Variants in GRM7 observed in about 807,000 individuals in gnomAD.
GRM7 encodes glutamate metabotropic receptor 7.
GRM7 carries 35 observed loss-of-function variants against 84.5 expected under a neutral mutation model. That is an observed-to-expected ratio of 0.41 (90% CI 0.32 to 0.55). The LOEUF (loss-of-function observed/expected upper bound fraction) is 0.55, where lower values mean the gene tolerates loss of function less well. Ranked by LOEUF, GRM7 falls within the 20% of genes least tolerant of loss-of-function variation. The pLI is 0.19. For synonymous variants in GRM7, 487 were observed against 455.1 expected, an observed-to-expected ratio of 1.07 and a Z score of -0.89; for missense variants, 1,003 against 1,194.6, an observed-to-expected ratio of 0.84 and a Z score of 2.36.
intron 9 of GRM7, among the ~76,000 whole-genome samples, chr3:7,685,021 G>T (rs1700521962): frequency 6.6e-6 from 1 of 152,074 alleles, no homozygotes; most frequent in Non-Finnish European, 1.5e-5. Context: ...CCTGAATTTG[G>T]CATGTTTCCC....
intron 1 of GRM7, among the ~76,000 whole-genome samples, chr3:7,083,354 AT>A (rs34749968): frequency 6.6e-6 from 1 of 152,116 alleles, no homozygotes; most frequent in Admixed American, 6.6e-5. Flanking sequence ...AGGGATGCAT[AT>A]TTTTTATGTA....
chr3:7,499,976 G>C (rs1013806306), intron 7 of GRM7, among the ~76,000 whole-genome samples: 14 of 151,998 alleles, frequency 9.2e-5, no homozygotes, highest in Non-Finnish European at 1.6e-4. Flanking sequence ...GGGTTTCACC[G>C]TGTTAGCCAG....
At chr3:7,245,302 G>A (rs112648064) in intron 2 of GRM7, among the ~76,000 whole-genome samples, 1 of 152,052 alleles carries the variant, frequency 6.6e-6, no homozygotes, top group African/African-American at 2.4e-5. Context: ...GATCAAAGAA[G>A]CCAAACGAAT....
intron 4 of GRM7, among the ~76,000 whole-genome samples, chr3:7,354,548 G>T (rs1693303540): frequency 6.6e-6 from 1 of 152,120 alleles, no homozygotes. Flanking sequence ...TCGTAAGACA[G>T]AAACAATATT....
intron 5 of GRM7, among the ~76,000 whole-genome samples, chr3:7,450,356 T>G (rs1401755326): frequency 6.6e-6 from 1 of 152,090 alleles, no homozygotes; most frequent in African/African-American, 2.4e-5. Flanking sequence ...CACAACCCTT[T>G]TAGAGTGGAA....
intron 1 of GRM7, among the ~76,000 whole-genome samples, chr3:6,896,740 A>T (rs555280373): frequency 9.9e-5 from 15 of 151,018 alleles, no homozygotes; most frequent in African/African-American, 3.4e-4. Flanking sequence ...TGCAGGCTGA[A>T]GATTTTTTTT....
chr3:7,258,632 T>C (rs1698296999), intron 2 of GRM7, among the ~76,000 whole-genome samples: 1 of 152,270 alleles, frequency 6.6e-6, no homozygotes, highest in African/African-American at 2.4e-5. Flanking sequence ...ATAATTTAAA[T>C]CTTTTTAAAC....
rs930102014 is a variant in GRM7, at chr3:7,059,012, A to G, written c.520-87440A>G. Among the ~76,000 whole-genome samples, 44 of 151,890 alleles carry G rather than the reference A, an allele frequency of 2.9e-4. 1 individual carries two copies. Among genetic ancestry groups the G allele is most frequent in the Non-Finnish European group, 5.9e-4 (40 of 67,892 alleles). On this transcript the variant is annotated intron_variant, in intron 1 of 9. Coordinates refer to ENST00000357716, the MANE Select transcript of GRM7 (RefSeq NM_000844.4). ...AGGCTAAACTGTGGGAGCTAAGAAC[A>G]TAAAGTACAATGATTTCCTTATTAA...
chr3:7,224,418 C>T (rs1481282801), intron 2 of GRM7, among the ~76,000 whole-genome samples: 2 of 152,130 alleles, frequency 1.3e-5, no homozygotes, highest in Non-Finnish European at 2.9e-5. Context: ...CTCCCACAGG[C>T]CCCACTTCCA....
At chr3:7,540,266 A>C (rs1692799823) in intron 7 of GRM7, among the ~76,000 whole-genome samples, 1 of 152,334 alleles carries the variant, frequency 6.6e-6, no homozygotes, top group Middle Eastern at 3.4e-3. Flanking sequence ...ATGTCCACAC[A>C]AGACTTGGAC....
At chr3:7,454,090 A>T (rs61118429) in intron 6 of GRM7, among the ~76,000 whole-genome samples, 10,225 of 139,746 alleles carry the variant, frequency 0.073, 574 homozygotes, top group African/African-American at 0.15. Flanking sequence ...CTACACACAC[A>T]CTCTCTCTCT....
intron 5 of GRM7, among the ~76,000 whole-genome samples, chr3:7,418,125 A>T (rs1456754256): frequency 2.0e-5 from 3 of 152,184 alleles, no homozygotes; most frequent in Non-Finnish European, 4.4e-5. Context: ...TAAATTATCC[A>T]TGTCCACCTA....
chr3:6,905,497 C>T (rs1696542338), intron 1 of GRM7, among the ~76,000 whole-genome samples: 1 of 151,968 alleles, frequency 6.6e-6, no homozygotes, highest in Non-Finnish European at 1.5e-5. Flanking sequence ...TCTTGGGTTT[C>T]CAAATAAATG....
chr3:6,970,851 G>A (rs1428859110), intron 1 of GRM7, among the ~76,000 whole-genome samples: 6 of 151,978 alleles, frequency 3.9e-5, no homozygotes, highest in African/African-American at 9.7e-5. Context: ...GCGTGGTGGC[G>A]GGCGCCTGTA....
chr3:7,636,512 CTA>C (rs1197487364), intron 8 of GRM7: 7 of 265,760 alleles, frequency 2.6e-5, no homozygotes, highest in Non-Finnish European at 5.4e-5. Context: ...AAGGAGAGTT[CTA>C]TTAGTCTACA....
At chr3:7,321,798 C>T (rs1453257441) in intron 4 of GRM7, among the ~76,000 whole-genome samples, 1 of 152,034 alleles carries the variant, frequency 6.6e-6, no homozygotes, top group Non-Finnish European at 1.5e-5. Flanking sequence ...CCAAGTGAAG[C>T]ATAGCATATT....
chr3:7,057,434 CTTATG>C (rs1489089069), intron 1 of GRM7, among the ~76,000 whole-genome samples: 1 of 151,802 alleles, frequency 6.6e-6, no homozygotes, highest in African/African-American at 2.4e-5. Flanking sequence ...TTTTCATCTT[CTTATG>C]TTATTTTACT....
intron 2 of GRM7, among the ~76,000 whole-genome samples, chr3:7,192,167 G>T (rs1695730860): frequency 6.6e-6 from 1 of 152,156 alleles, no homozygotes; most frequent in Admixed American, 6.6e-5. Context: ...TCAGACTTCA[G>T]TGTGAGCCAG....
At chr3:7,299,213 C>A (rs1025304135) in intron 3 of GRM7, among the ~76,000 whole-genome samples, 1 of 152,096 alleles carries the variant, frequency 6.6e-6, no homozygotes, top group East Asian at 1.9e-4. Context: ...ATGTTCAAAT[C>A]AAAAACTTGT....
Sources: gnomAD v4.1 joint callset for allele counts (sites outside exome capture counted in the v4.1 genomes callset) on GRCh38, gnomAD v4.1.1 for gene constraint, MANE v1.5 for transcripts, NCBI Gene and HGNC (gene_info 2026-07-23, HGNC 2026-07-21) for gene names.